PLEKHA6: variants seen among roughly 807,000 people sequenced by gnomAD.
PLEKHA6 encodes the protein pleckstrin homology domain-containing family A member 6.
PLEKHA6 carries 60 observed loss-of-function variants against 116.7 expected under a neutral mutation model. That is an observed-to-expected ratio of 0.51 (90% confidence interval 0.42 to 0.64). The LOEUF (loss-of-function observed/expected upper bound fraction) is 0.64, where lower values mean the gene tolerates loss of function less well. Among genes scored for constraint, PLEKHA6 ranks in the 30% least tolerant of loss-of-function variants. The probability of loss-of-function intolerance (pLI) is 0.00; values close to 1 mark genes in which losing one functional copy is unlikely to be tolerated. For missense variants in PLEKHA6, 1,338 were observed against 1,422.7 expected (o/e 0.94, Z 0.96); for synonymous variants, 489 against 556.1 (o/e 0.88, Z 1.70).
intron 1 of PLEKHA6, among the ~76,000 whole-genome samples, chr1:204,275,485 G>A (rs747317837): frequency 3.3e-5 from 5 of 152,158 alleles, no homozygotes; most frequent in African/African-American, 7.2e-5. Context: ...AGAGGGGCAG[G>A]GCGTTGTGAG....
At chr1:204,265,980 T>C (rs1435365821) in intron 5 of PLEKHA6, among the ~76,000 whole-genome samples, 2 of 152,156 alleles carry the variant, frequency 1.3e-5, no homozygotes, top group African/African-American at 2.4e-5. Flanking sequence ...ATTATGAGAC[T>C]ATGGCAAGGC....
intron 9 of PLEKHA6, chr1:204,256,708 G>C (rs554497852): frequency 6.6e-6 from 3 of 451,314 alleles, no homozygotes; most frequent in African/African-American, 6.1e-5. Context: ...ACTAGGCACA[G>C]AGCGTCCCTG....
intron 1 of PLEKHA6, among the ~76,000 whole-genome samples, chr1:204,372,495 C>G (rs563707493): frequency 1.4e-4 from 22 of 152,148 alleles, no homozygotes; most frequent in Non-Finnish European, 2.9e-4. Context: ...CGTGGATCAC[C>G]CAGGCTTTAG....
At chr1:204,371,053 C>CAAAAAAA (rs34493461) in intron 2 of PLEKHA6, among the ~76,000 whole-genome samples, 5 of 68,478 alleles carry the variant, frequency 7.3e-5, no homozygotes, top group African/African-American at 3.0e-4. Context: ...GACTCTGCCT[C>CAAAAAAA]AAAAAAAAAA....
intron 1 of PLEKHA6, among the ~76,000 whole-genome samples, chr1:204,318,684 A>G (rs1671949764): frequency 1.3e-5 from 2 of 152,210 alleles, no homozygotes; most frequent in Admixed American, 6.5e-5. Flanking sequence ...TTTCTACTAC[A>G]ATAGCTGGCG....
upstream of PLEKHA6, among the ~76,000 whole-genome samples, chr1:204,364,011 T>C (rs1673608460): frequency 6.6e-6 from 1 of 152,202 alleles, no homozygotes; most frequent in Non-Finnish European, 1.5e-5. Flanking sequence ...TGAGAGTCAC[T>C]TCCTAAATAC....
chr1:204,292,672 GT>G, intron 1 of PLEKHA6, among the ~76,000 whole-genome samples: 1 of 152,352 alleles, frequency 6.6e-6, no homozygotes, highest in South Asian at 2.1e-4. Context: ...CCAGCACTGG[GT>G]GGATGCTCCT....
rs1355360257 is a variant in PLEKHA6 at position 204,228,904 on chromosome 1, T to C, written c.2751+33A>G. 2 of 1,613,684 alleles carry C rather than the reference T, an allele frequency of 1.2e-6. No homozygotes were observed. Among genetic ancestry groups the C allele is most frequent in the Non-Finnish European group, 1.7e-6 (2 of 1,179,886 alleles). ...TCACCACCTCTGTCCCTTCCCAGAG[T>C]CTCCCACTACAGCCCTTCCTGGCTC... On this transcript the variant is annotated intron_variant, in intron 19 of 22. Coordinates refer to ENST00000272203, the MANE Select transcript of PLEKHA6 (RefSeq NM_014935.5). This position sits in a 1 kb window ranked among gnomAD's most constrained non-coding sequence, Gnocchi z 4.0.
chr1:204,270,019 C>G (rs1306055024), intron 3 of PLEKHA6, among the ~76,000 whole-genome samples: 1 of 152,202 alleles, frequency 6.6e-6, no homozygotes, highest in African/African-American at 2.4e-5. Context: ...TCAACTTTCT[C>G]TCCCTCCAAC....
rs760477371 is a variant in PLEKHA6 at position 204,257,453 on chromosome 1, C to T, written c.1424G>A (p.Arg475His). ...CCGCTCAAAACGGGCACTGGGTGAG[C>T]GGACAGGGGAGTAAATGCGGGCACG... is the stretch of plus-strand genomic sequence containing the variant. ...YSRARIYSPVRSPSARFERLP... is the reference protein window; with the variant it reads ...YSRARIYSPVHSPSARFERLP... The change falls in exon 9 of 23, where the codon CGC becomes CAC. Residue 475 changes from arginine (R) to histidine (H), a missense_variant. Arg to His is a conservative substitution (Grantham distance 29). Coordinates refer to ENST00000272203, the MANE Select transcript of PLEKHA6 (RefSeq NM_014935.5). The surrounding 1 kb of genome is among the most constrained non-coding windows in gnomAD (Gnocchi z 6.5). 1.2e-4 allele frequency: 192 copies of T among 1,569,842 alleles called. 1 individual carries two copies. In the South Asian group the frequency reaches 1.7e-3, roughly 14 times the overall value.
At chr1:204,363,368 T>C (rs1673595932), upstream of PLEKHA6, among the ~76,000 whole-genome samples, 1 of 152,208 alleles carries the variant, frequency 6.6e-6, no homozygotes. Flanking sequence ...ACTGCCTGCC[T>C]GCACATTCTC....
chr1:204,315,820 G>C (rs1671836652), intron 1 of PLEKHA6, among the ~76,000 whole-genome samples: 1 of 152,214 alleles, frequency 6.6e-6, no homozygotes, highest in African/African-American at 2.4e-5. Context: ...AGATGCCCAG[G>C]GGAGGCCACA....
At chr1:204,322,202 C>A (rs1672087348) in intron 1 of PLEKHA6, among the ~76,000 whole-genome samples, 1 of 152,180 alleles carries the variant, frequency 6.6e-6, no homozygotes, top group African/African-American at 2.4e-5. Flanking sequence ...TGCACAGGAC[C>A]TCAGGTCCGT....
upstream of PLEKHA6, chr1:204,377,877 G>A (rs1313455901): frequency 1.3e-5 from 2 of 152,068 alleles, no homozygotes; most frequent in Non-Finnish European, 2.9e-5. Flanking sequence ...GGGCGGCAGG[G>A]AGCAGGCAAG....
chr1:204,243,926 T>C (rs563076635), intron 15 of PLEKHA6, among the ~76,000 whole-genome samples: 373 of 152,292 alleles, frequency 2.4e-3, no homozygotes, highest in African/African-American at 8.5e-3. Flanking sequence ...GTTCACGCCA[T>C]TCTCCTGGCT....
chr1:204,316,207 G>T (rs1031585951), intron 1 of PLEKHA6, among the ~76,000 whole-genome samples: 1 of 152,216 alleles, frequency 6.6e-6, no homozygotes, highest in Non-Finnish European at 1.5e-5. Context: ...AGCAACTAAA[G>T]CTCTGAAAAA....
At chr1:204,264,717 A>G (rs1175414166) in intron 6 of PLEKHA6, among the ~76,000 whole-genome samples, 1 of 152,180 alleles carries the variant, frequency 6.6e-6, no homozygotes, top group South Asian at 2.1e-4. Flanking sequence ...CCAACCCCCA[A>G]GAGAGGAGGA....
intron 9 of PLEKHA6, among the ~76,000 whole-genome samples, chr1:204,251,126 T>TA (rs889602876): frequency 5.7e-4 from 87 of 152,350 alleles, no homozygotes; most frequent in African/African-American, 1.9e-3. Flanking sequence ...AAATGCTGCC[T>TA]AGCCTGGACG....
chr1:204,289,612 C>A (rs942401311), intron 1 of PLEKHA6, among the ~76,000 whole-genome samples: 1 of 152,180 alleles, frequency 6.6e-6, no homozygotes. Flanking sequence ...CTCAAGAGTA[C>A]CCCAGAGATC....
Sources: allele counts gnomAD v4.1 joint callset (sites outside exome capture counted in the v4.1 genomes callset), GRCh38; gene constraint gnomAD v4.1.1; non-coding constraint Gnocchi (gnomAD v3.1); transcripts MANE v1.5; gene names NCBI Gene and HGNC (gene_info 2026-07-23, HGNC 2026-07-21).